Variants in CDH19 observed in about 807,000 individuals in gnomAD.
CDH19 encodes cadherin-19.
A neutral mutation model predicts 64.2 loss-of-function variants in CDH19; 67 were observed. The observed-to-expected ratio is 1.04, with a 90% CI of 0.86 to 1.28. The LOEUF is 1.28. Among genes scored for constraint, CDH19 ranks in the 50% most tolerant of loss-of-function variants. The probability of loss-of-function intolerance (pLI) is 0.00; values close to 1 mark genes in which losing one functional copy is unlikely to be tolerated. For synonymous variants in CDH19, 346 were observed against 319.3 expected (o/e 1.08, Z -0.89); for missense variants, 1,030 against 929.0 (o/e 1.11, Z -1.41).
At chr18:66,585,367 G>T (rs190977291) in intron 1 of CDH19, among the ~76,000 whole-genome samples, 69 of 152,162 alleles carry the variant, frequency 4.5e-4, no homozygotes, top group Admixed American at 1.4e-3. Flanking sequence ...AAGACAGTTT[G>T]CTGGAGATAA....
chr18:66,573,630 A>G (rs1335808197), intron 1 of CDH19, among the ~76,000 whole-genome samples: 13 of 89,518 alleles, frequency 1.5e-4, no homozygotes, highest in Middle Eastern at 5.5e-3. Context: ...CATGAAAAAG[A>G]TTTTTTTTAT....
chr18:66,568,759 C>A (rs754046910), intron 2 of CDH19, 49 bp from the exon 3 acceptor site: 9 of 1,417,470 alleles, frequency 6.3e-6, no homozygotes, highest in South Asian at 2.8e-5. Flanking sequence ...CTGAAATGGA[C>A]AAATCAAAAT....
intron 1 of CDH19, among the ~76,000 whole-genome samples, chr18:66,581,747 G>T (rs891196190): frequency 1.3e-5 from 2 of 151,996 alleles, no homozygotes; most frequent in Admixed American, 6.6e-5. Context: ...TTTGGGACTC[G>T]GATTGAGCGA....
intron 9 of CDH19, among the ~76,000 whole-genome samples, chr18:66,512,523 A>G (rs1985540724): frequency 6.6e-6 from 1 of 151,508 alleles, no homozygotes; most frequent in South Asian, 2.1e-4. Context: ...GCAAGATGAC[A>G]AGCCCAGATT....
At chr18:66,586,329 AAATAAG>A (rs1988577044) in intron 1 of CDH19, among the ~76,000 whole-genome samples, 1 of 152,054 alleles carries the variant, frequency 6.6e-6, no homozygotes, top group African/African-American at 2.4e-5. Flanking sequence ...TGCTACTAAA[AAATAAG>A]AATAAGAGTT....
At chr18:66,507,582 C>A (rs1985263682) in intron 11 of CDH19, among the ~76,000 whole-genome samples, 1 of 151,816 alleles carries the variant, frequency 6.6e-6, no homozygotes, top group East Asian at 1.9e-4. Context: ...TCAGCTGCCT[C>A]ATTTGTGAAA....
chr18:66,530,961 C>T (rs896055015), intron 8 of CDH19, among the ~76,000 whole-genome samples: 1 of 152,032 alleles, frequency 6.6e-6, no homozygotes, highest in Non-Finnish European at 1.5e-5. Flanking sequence ...GGAGACACGC[C>T]GCGTTATCAT....
chr18:66,593,618 A>AAT (rs1423404558), intron 1 of CDH19, among the ~76,000 whole-genome samples: 1 of 152,106 alleles, frequency 6.6e-6, no homozygotes, highest in African/African-American at 2.4e-5. Flanking sequence ...TGAACACAAA[A>AAT]ATATATATAT....
intron 1 of CDH19, among the ~76,000 whole-genome samples, chr18:66,578,649 A>G (rs1467080668): frequency 6.6e-6 from 1 of 151,970 alleles, no homozygotes; most frequent in Non-Finnish European, 1.5e-5. Flanking sequence ...ATCTATCTAG[A>G]TATCTACCTA....
chr18:66,554,564 T>C, intron 3 of CDH19, 40 bp from the exon 4 acceptor site: 1 of 1,580,564 alleles, frequency 6.3e-7, no homozygotes, highest in Non-Finnish European at 8.6e-7. Flanking sequence ...ATTGTGGTTT[T>C]ATTCAGGATG....
At chr18:66,506,467 TAAAA>T (rs1206282178) in intron 11 of CDH19, among the ~76,000 whole-genome samples, 2 of 151,918 alleles carry the variant, frequency 1.3e-5, no homozygotes, top group Non-Finnish European at 2.9e-5. Context: ...TACAATAAAA[TAAAA>T]AAAGACAAAA....
At chr18:66,542,908 C>T (rs956063619) in intron 7 of CDH19, among the ~76,000 whole-genome samples, 35 of 152,294 alleles carry the variant, frequency 2.3e-4, no homozygotes, top group African/African-American at 7.7e-4. Context: ...CCCCCCCGAC[C>T]TTGGAAAAAT....
In CDH19 at chr18:66,504,371, T is replaced by A. The variant is rs1258224591; in HGVS notation, c.*441A>T. On this transcript the variant is annotated 3_prime_UTR_variant, in exon 12 of 12. Coordinates refer to ENST00000262150, the MANE Select transcript of CDH19 (RefSeq NM_021153.4). ...ATGAAAATTTCTCTGACTATACATT[T>A]TCAATTTTCATGTCAATATGATAGA... is the stretch of plus-strand genomic sequence containing the variant. The A allele has an allele frequency of 6.6e-6, 1 of 151,882 alleles. No individual in the cohort carries two copies. Among genetic ancestry groups the A allele is most frequent in the African/African-American group, 2.4e-5 (1 of 41,284 alleles). The allele number at this position is 151,882 out of a possible 1,614,324, so 9.4% of individuals were successfully genotyped here.
chr18:66,585,053 A>C (rs1447630685), intron 1 of CDH19, among the ~76,000 whole-genome samples: 1 of 152,074 alleles, frequency 6.6e-6, no homozygotes, highest in Non-Finnish European at 1.5e-5. Flanking sequence ...CTCACAGTTG[A>C]ACAAACGACC....
In CDH19 at chr18:66,572,129, A is replaced by C; in HGVS notation, c.76T>G (p.Ser26Ala). Reference protein sequence around the residue: ...LWPCLGATENSQTKKVKQPVR... With the variant: ...LWPCLGATENAQTKKVKQPVR... ...GGCTGCTTGACTTTCTTTGTTTGAG[A>C]GTTTTCTGTTGCTCCAAGACAAGGC... is the stretch of plus-strand genomic sequence containing the variant. The change falls in exon 2 of 12, where the codon TCT becomes GCT. Residue 26 changes from serine (S) to alanine (A), a missense_variant. Physicochemically the swap from Ser to Ala is moderately conservative, Grantham distance 99. Coordinates refer to ENST00000262150, the MANE Select transcript of CDH19 (RefSeq NM_021153.4). 1 of 1,611,628 alleles carries C rather than the reference A, an allele frequency of 6.2e-7. No homozygotes were observed.
chr18:66,560,690 T>C (rs1987688039), intron 3 of CDH19, among the ~76,000 whole-genome samples: 1 of 151,966 alleles, frequency 6.6e-6, no homozygotes, highest in South Asian at 2.1e-4. Context: ...TTATTACTCT[T>C]CCCAGCCTGG....
intron 9 of CDH19, among the ~76,000 whole-genome samples, chr18:66,513,600 T>C (rs1985596014): frequency 6.6e-6 from 1 of 151,472 alleles, no homozygotes; most frequent in Non-Finnish European, 1.5e-5. Context: ...ATTTTTCCTT[T>C]AAATATACCA....
intron 4 of CDH19, among the ~76,000 whole-genome samples, chr18:66,553,982 GC>G: frequency 1.1e-5 from 1 of 88,800 alleles, no homozygotes. Context: ...CAGTCATTCT[GC>G]AGGGTTATGC....
intron 3 of CDH19, among the ~76,000 whole-genome samples, chr18:66,564,075 A>C (rs138490836): frequency 2.0e-5 from 3 of 151,986 alleles, no homozygotes; most frequent in African/African-American, 4.8e-5. Context: ...TTGAAAATTC[A>C]TGATTTTTTA....
Sources: gnomAD v4.1 joint callset for allele counts (sites outside exome capture counted in the v4.1 genomes callset) on GRCh38, gnomAD v4.1.1 for gene constraint, MANE v1.5 for transcripts, NCBI Gene and HGNC (gene_info 2026-07-23, HGNC 2026-07-21) for gene names.